MAP4K4: variants seen among roughly 807,000 people sequenced by gnomAD.
The protein encoded by MAP4K4 is HPK/GCK-like kinase HGK.
Under a neutral mutation model 189.6 loss-of-function variants are expected in MAP4K4, and 38 were observed. The observed-to-expected ratio is 0.20, with a 90% confidence interval of 0.15 to 0.26. MAP4K4 has a LOEUF of 0.26. Ranked by LOEUF, MAP4K4 falls within the 10% of genes least tolerant of loss-of-function variation. The pLI is 1.00. For synonymous variants in MAP4K4, 610 were observed against 624.3 expected (o/e 0.98, Z 0.34); for missense variants, 1,054 against 1,726.9 (o/e 0.61, Z 6.91).
intron 3 of MAP4K4, among the ~76,000 whole-genome samples, chr2:101,805,532 G>T (rs2094845911): frequency 6.6e-6 from 1 of 152,210 alleles, no homozygotes; most frequent in South Asian, 2.1e-4. Flanking sequence ...TGGTTATGTG[G>T]CAGGTGCTGA....
intron 2 of MAP4K4, among the ~76,000 whole-genome samples, chr2:101,711,017 G>T (rs2149304499): frequency 6.6e-6 from 1 of 152,260 alleles, no homozygotes; most frequent in African/African-American, 2.4e-5. Context: ...TTAGCATCCT[G>T]AACATTCTCA....
chr2:101,765,917 C>T (rs563809617), intron 2 of MAP4K4, among the ~76,000 whole-genome samples: 60 of 151,938 alleles, frequency 3.9e-4, no homozygotes, highest in Non-Finnish European at 7.5e-4. Context: ...GTTTCTTTGC[C>T]TTAGTGAACT....
At chr2:101,823,839 G>A (rs2096220677) in intron 3 of MAP4K4, 89 bp from the exon 4 acceptor site, 2 of 1,155,738 alleles carry the variant, frequency 1.7e-6, no homozygotes, top group South Asian at 1.6e-5. Flanking sequence ...GAGAACTTGT[G>A]TTCCTTTCAT....
chr2:101,779,005 A>T (rs773348962), intron 2 of MAP4K4, among the ~76,000 whole-genome samples: 6 of 151,924 alleles, frequency 3.9e-5, no homozygotes, highest in Non-Finnish European at 7.4e-5. Flanking sequence ...TAAAATAGGG[A>T]TGTTTTTCTT....
intron 2 of MAP4K4, among the ~76,000 whole-genome samples, chr2:101,709,971 G>A (rs1336451606): frequency 6.6e-6 from 1 of 152,154 alleles, no homozygotes; most frequent in South Asian, 2.1e-4. Flanking sequence ...ATACTGCAGA[G>A]CTTTCGTTCT....
At chr2:101,786,872 A>G (rs1015118520) in intron 2 of MAP4K4, among the ~76,000 whole-genome samples, 1 of 152,196 alleles carries the variant, frequency 6.6e-6, no homozygotes, top group African/African-American at 2.4e-5. Context: ...TAAATCACTA[A>G]TTGTCTTATA....
intron 2 of MAP4K4, among the ~76,000 whole-genome samples, chr2:101,750,386 C>G (rs1416566917): frequency 7.0e-6 from 1 of 143,188 alleles, no homozygotes; most frequent in Non-Finnish European, 1.5e-5. Flanking sequence ...TGGAAATCAT[C>G]ATTCTCAGTA....
exon 33 of MAP4K4, chr2:101,892,980 T>C (rs1293250594): frequency 2.2e-6 from 1 of 456,436 alleles, no homozygotes; most frequent in Non-Finnish European, 4.4e-6. Context: ...AAACTTGCTG[T>C]TTTTTAGGCT....
intron 16 of MAP4K4, among the ~76,000 whole-genome samples, chr2:101,862,895 C>T (rs1233601460): frequency 6.6e-6 from 1 of 152,144 alleles, no homozygotes; most frequent in Non-Finnish European, 1.5e-5. Flanking sequence ...CAAATTGATT[C>T]AGTATTTTCA....
At chr2:101,737,449 ATATATATATATATTTTTTT>A (rs1558651879) in intron 2 of MAP4K4, among the ~76,000 whole-genome samples, 1 of 33,496 alleles carries the variant, frequency 3.0e-5, no homozygotes, top group South Asian at 1.5e-3. Flanking sequence ...ATATATATAT[ATATATATATATATTTTTTT>A]TTTTTTTTTT....
intron 2 of MAP4K4, among the ~76,000 whole-genome samples, chr2:101,747,697 C>G (rs546591162): frequency 3.2e-4 from 49 of 152,258 alleles, no homozygotes; most frequent in Middle Eastern, 3.4e-3. Context: ...CCCTGCCCCC[C>G]CTTCTTAGCT....
chr2:101,857,627 G>T (rs2097517635), intron 13 of MAP4K4, among the ~76,000 whole-genome samples: 1 of 152,100 alleles, frequency 6.6e-6, no homozygotes, highest in Non-Finnish European at 1.5e-5. Context: ...TACCATGGAG[G>T]GTCAGACATA....
At chr2:101,752,209 C>T (rs1044724591) in intron 2 of MAP4K4, among the ~76,000 whole-genome samples, 1 of 152,128 alleles carries the variant, frequency 6.6e-6, no homozygotes, top group Non-Finnish European at 1.5e-5. Flanking sequence ...ACTTTTATAA[C>T]ATGCCCAAGG....
At chr2:101,883,430 C>G (rs776084107) in intron 28 of MAP4K4, among the ~76,000 whole-genome samples, 12 of 152,086 alleles carry the variant, frequency 7.9e-5, no homozygotes, top group Non-Finnish European at 1.5e-4. Context: ...CTCCCGGGTT[C>G]AAGCAATTCT....
At chr2:101,707,105 A>G (rs2042715948) in intron 2 of MAP4K4, among the ~76,000 whole-genome samples, 1 of 152,126 alleles carries the variant, frequency 6.6e-6, no homozygotes, top group African/African-American at 2.4e-5. Context: ...TGACCTTGTC[A>G]GGGTTTTGTA....
intron 4 of MAP4K4, 112 bp from the exon 5 acceptor site, chr2:101,825,207 T>C: frequency 1.6e-6 from 1 of 612,174 alleles, no homozygotes; most frequent in Non-Finnish European, 2.9e-6. Flanking sequence ...TATGAATTAT[T>C]GAGGAGCATC....
chr2:101,743,929 A>T (rs2149809209), intron 2 of MAP4K4, among the ~76,000 whole-genome samples: 1 of 152,312 alleles, frequency 6.6e-6, no homozygotes, highest in South Asian at 2.1e-4. Flanking sequence ...AAGTGCTGTG[A>T]TTACAGGTGT....
chr2:101,723,665 T>C (rs1253575259), intron 2 of MAP4K4, among the ~76,000 whole-genome samples: 2 of 152,212 alleles, frequency 1.3e-5, no homozygotes, highest in African/African-American at 4.8e-5. Flanking sequence ...TTTGAAGGTT[T>C]GAAGTATTAA....
chr2:101,784,268 G>A (rs1558904969), intron 2 of MAP4K4, among the ~76,000 whole-genome samples: 1 of 146,004 alleles, frequency 6.8e-6, no homozygotes, highest in African/African-American at 2.7e-5. Context: ...CTCTTCGTGT[G>A]TGTGTGTGTG....
Sources: allele counts gnomAD v4.1 joint callset (sites outside exome capture counted in the v4.1 genomes callset), GRCh38; gene constraint gnomAD v4.1.1; transcripts MANE v1.5; gene names NCBI Gene and HGNC (gene_info 2026-07-23, HGNC 2026-07-21).